The following PRKN variants were observed in gnomAD, a reference collection of about 807,000 sequenced individuals.
PRKN encodes the protein parkin RBR E3 ubiquitin protein ligase, also known as E3 ubiquitin-protein ligase parkin.
In PRKN, 56 loss-of-function variants were observed where a neutral mutation model predicts 59.5. The ratio of observed to expected loss-of-function variants is 0.94; its 90% CI spans 0.76 to 1.18. The LOEUF is 1.18. Ranked by LOEUF, PRKN falls within the 50% of genes most tolerant of loss-of-function variation. The probability of loss-of-function intolerance (pLI) is 0.00; values close to 1 mark genes in which losing one functional copy is unlikely to be tolerated. For missense variants in PRKN, 657 were observed against 596.4 expected (o/e 1.10, Z -1.06); for synonymous variants, 250 against 222.1 (o/e 1.13, Z -1.12).
intron 3 of PRKN, among the ~76,000 whole-genome samples, chr6:162,235,954 AAAGG>A (rs1346798516): frequency 6.6e-3 from 506 of 76,502 alleles, no homozygotes; most frequent in African/African-American, 0.017. Flanking sequence ...AGGAAGGAAG[AAAGG>A]AAGAAAGAAA....
intron 2 of PRKN, among the ~76,000 whole-genome samples, chr6:162,327,446 A>G (rs1264550991): frequency 6.6e-6 from 1 of 152,184 alleles, no homozygotes; most frequent in Non-Finnish European, 1.5e-5. Context: ...TTCATTTCTT[A>G]AAAAATGTGA....
At chr6:161,806,632 T>C (rs1046179796) in intron 6 of PRKN, among the ~76,000 whole-genome samples, 1 of 152,098 alleles carries the variant, frequency 6.6e-6, no homozygotes, top group Non-Finnish European at 1.5e-5. Flanking sequence ...GCTCTCCACC[T>C]CCACCCAGCT....
chr6:162,165,914 GGTGGGCACCTGTAGTCTCA>G (rs928673013), intron 4 of PRKN, among the ~76,000 whole-genome samples: 1 of 151,936 alleles, frequency 6.6e-6, no homozygotes, highest in African/African-American at 2.4e-5. Flanking sequence ...CGGGTGTGGT[GGTGGGCACCTGTAGTCTCA>G]GCTACTCAGG....
intron 1 of PRKN, among the ~76,000 whole-genome samples, chr6:162,463,272 C>T (rs1295135104): frequency 2.0e-5 from 3 of 152,124 alleles, no homozygotes; most frequent in Non-Finnish European, 4.4e-5. Context: ...CACAATTATA[C>T]TCAAGATTAT....
chr6:161,557,489 T>C (rs764669405), intron 8 of PRKN, among the ~76,000 whole-genome samples: 1 of 152,154 alleles, frequency 6.6e-6, no homozygotes, highest in Non-Finnish European at 1.5e-5. Flanking sequence ...TTGCTGGCTG[T>C]TGACTGCATG....
intron 1 of PRKN, among the ~76,000 whole-genome samples, chr6:162,609,415 T>C (rs780428496): frequency 6.6e-6 from 1 of 152,252 alleles, no homozygotes; most frequent in Non-Finnish European, 1.5e-5. Flanking sequence ...CAACTTCATA[T>C]AGTTTATAAT....
intron 4 of PRKN, among the ~76,000 whole-genome samples, chr6:162,064,267 C>T (rs1778234747): frequency 6.6e-6 from 1 of 152,116 alleles, no homozygotes; most frequent in South Asian, 2.1e-4. Flanking sequence ...TGGGGAGGTA[C>T]TGACTAGAAA....
intron 2 of PRKN, among the ~76,000 whole-genome samples, chr6:162,288,678 A>C: frequency 6.6e-6 from 1 of 152,138 alleles, no homozygotes; most frequent in East Asian, 1.9e-4. Context: ...TTGTAGCCTC[A>C]TGAGCCCCTA....
In PRKN at chr6:161,508,615, C is replaced by T. The variant is rs139598844; in HGVS notation, c.1083+40239G>A. On this transcript the variant is annotated intron_variant, in intron 9 of 11. Transcript: ENST00000366898. ...TGTCCCTTAATACACTTAATAAATC[C>T]GCCCTGAGCTCCCTTTTCCTCAGAC... 7.8e-3 allele frequency among the ~76,000 whole-genome samples: 1,191 copies of T among 152,166 alleles called. 24 individuals are homozygous for T. The highest frequency in any genetic ancestry group is 0.028 in the African/African-American group (1,151 of 41,496).
chr6:161,872,553 C>T (rs563129742), intron 6 of PRKN, among the ~76,000 whole-genome samples: 4 of 152,266 alleles, frequency 2.6e-5, no homozygotes, highest in African/African-American at 4.8e-5. Context: ...TCAACCCTGG[C>T]GCTTTGCCTC....
At chr6:162,074,255 G>C (rs1778717759) in intron 4 of PRKN, among the ~76,000 whole-genome samples, 2 of 130,262 alleles carry the variant, frequency 1.5e-5, no homozygotes, top group Non-Finnish European at 3.2e-5. Context: ...TGATAGACTG[G>C]ATGAAGAAAA....
intron 9 of PRKN, among the ~76,000 whole-genome samples, chr6:161,541,516 G>A (rs926601185): frequency 3.0e-4 from 46 of 152,298 alleles, no homozygotes; most frequent in African/African-American, 1.0e-3. Context: ...TGGATCTTAC[G>A]ATTTTGAAAG....
chr6:162,395,074 A>C (rs1311490405), intron 2 of PRKN, among the ~76,000 whole-genome samples: 1 of 152,066 alleles, frequency 6.6e-6, no homozygotes, highest in East Asian at 1.9e-4. Context: ...CAATCAACTC[A>C]CCTATGTAAC....
chr6:161,537,719 G>A (rs1246497777), intron 9 of PRKN, among the ~76,000 whole-genome samples: 4 of 152,170 alleles, frequency 2.6e-5, no homozygotes, highest in Admixed American at 2.6e-4. Context: ...CCAAAGTGCT[G>A]GGATTACAGG....
chr6:162,644,905 A>G (rs568857965), intron 1 of PRKN, among the ~76,000 whole-genome samples: 3 of 152,204 alleles, frequency 2.0e-5, no homozygotes, highest in Non-Finnish European at 2.9e-5. Flanking sequence ...CTTAGAAAAA[A>G]CAGTCAAGTT....
At chr6:161,738,853 T>C (rs1014750428) in intron 7 of PRKN, among the ~76,000 whole-genome samples, 9 of 152,100 alleles carry the variant, frequency 5.9e-5, no homozygotes, top group African/African-American at 2.2e-4. Context: ...CTGAGGTTCA[T>C]CCTGCTGAGG....
chr6:162,670,972 C>T (rs900207953), intron 1 of PRKN, among the ~76,000 whole-genome samples: 2 of 152,166 alleles, frequency 1.3e-5, no homozygotes, highest in South Asian at 2.1e-4. Flanking sequence ...ATATCAATAC[C>T]ATTCGATTGT....
At chr6:161,543,632 T>G (rs1779695126) in intron 9 of PRKN, among the ~76,000 whole-genome samples, 1 of 152,264 alleles carries the variant, frequency 6.6e-6, no homozygotes, top group African/African-American at 2.4e-5. Context: ...GATTTTCATT[T>G]AAATGTGTAT....
chr6:161,416,290 C>T (rs1156407737), intron 9 of PRKN, among the ~76,000 whole-genome samples: 2 of 152,096 alleles, frequency 1.3e-5, no homozygotes, highest in Non-Finnish European at 2.9e-5. Context: ...TCTGCTCTAA[C>T]ATAACTGGAG....
Sources: gnomAD v4.1 joint callset for allele counts (sites outside exome capture counted in the v4.1 genomes callset) on GRCh38, gnomAD v4.1.1 for gene constraint, MANE v1.5 for transcripts, NCBI Gene and HGNC (gene_info 2026-07-23, HGNC 2026-07-21) for gene names.